Variants in CLIP2 observed in about 807,000 individuals in gnomAD.
CLIP2 encodes CAP-Gly domain containing linker protein 2.
Under a neutral mutation model 111.7 loss-of-function variants are expected in CLIP2, and 41 were observed. The ratio of observed to expected loss-of-function variants is 0.37; its 90% CI spans 0.29 to 0.48. CLIP2 has a LOEUF of 0.48. Among genes scored for constraint, CLIP2 ranks in the 20% least tolerant of loss-of-function variants. CLIP2 has a pLI of 0.99. For synonymous variants in CLIP2, 660 were observed against 644.2 expected (o/e 1.02, Z -0.37); for missense variants, 1,160 against 1,422.1 (o/e 0.82, Z 2.96).
chr7:74,290,930 G>A (rs1006679216), intron 1 of CLIP2, among the ~76,000 whole-genome samples: 5 of 152,152 alleles, frequency 3.3e-5, no homozygotes, highest in Admixed American at 3.3e-4. Context: ...GGGGCATAGA[G>A]GGGGTCCCCT....
intron 1 of CLIP2, among the ~76,000 whole-genome samples, chr7:74,299,215 C>T (rs1788254783): frequency 6.6e-6 from 1 of 152,064 alleles, no homozygotes; most frequent in African/African-American, 2.4e-5. Flanking sequence ...ATCCCAGCTA[C>T]TCAGGAGGCT....
chr7:74,375,776 G>T, intron 9 of CLIP2, 111 bp from the exon 10 acceptor site: 1 of 858,892 alleles, frequency 1.2e-6, no homozygotes. Context: ...CCACCTGCTG[G>T]GGCTGGTGCC....
rs1442148924 is a variant in CLIP2 at position 74,354,012 on chromosome 7, G to A, written c.803+8G>A. The stretch of plus-strand genomic sequence containing the variant: ...GGCGGTGGCGGGCACCAGGTATGGT[G>A]GGCTTCTTCTGGGGAGTATGGGAGG... On this transcript the variant is annotated splice_region_variant and intron_variant, in intron 4 of 16. Coordinates refer to ENST00000223398, the MANE Select transcript of CLIP2 (RefSeq NM_003388.5). 6.2e-7 allele frequency: 1 copy of A among 1,608,264 alleles called. No homozygotes were observed. The highest frequency in any genetic ancestry group is 8.5e-7 in the Non-Finnish European group (1 of 1,176,436).
rs200027898 is a variant in CLIP2 at position 74,364,867 on chromosome 7, T to TA, written c.1380+557dup. ...CAAGATCCCATCTCTACAAAAAATT[T>TA]AAAAAGTTAGCCAAGCATGGTCATG... On this transcript the variant is annotated intron_variant, in intron 8 of 16. Transcript: ENST00000223398. 2.0e-3 allele frequency: 900 copies of TA among 455,314 alleles called. 10 individuals carry two copies. In the East Asian group the frequency reaches 0.034, roughly 17 times the overall value. 28.2% of individuals were successfully genotyped at this position (455,314 alleles called of 1,614,324 possible).
At chr7:74,298,233 T>A (rs1554726328) in intron 1 of CLIP2, among the ~76,000 whole-genome samples, 1 of 152,090 alleles carries the variant, frequency 6.6e-6, no homozygotes, top group African/African-American at 2.4e-5. Flanking sequence ...TTGCCCAGGC[T>A]GGAGTGCAGT....
At chr7:74,314,957 A>G in intron 1 of CLIP2, among the ~76,000 whole-genome samples, 1 of 152,146 alleles carries the variant, frequency 6.6e-6, no homozygotes, top group Non-Finnish European at 1.5e-5. Flanking sequence ...TGGTGCTCCT[A>G]TAAGCTCTTC....
At chr7:74,324,485 G>C (rs1554730437) in intron 2 of CLIP2, among the ~76,000 whole-genome samples, 1 of 152,000 alleles carries the variant, frequency 6.6e-6, no homozygotes, top group African/African-American at 2.4e-5. Flanking sequence ...TCTGGGGATG[G>C]GGACAAGGAC....
At chr7:74,291,349 C>T (rs1554725348) in intron 1 of CLIP2, among the ~76,000 whole-genome samples, 2 of 152,254 alleles carry the variant, frequency 1.3e-5, no homozygotes, top group Non-Finnish European at 2.9e-5. Context: ...GCCCAAAGTC[C>T]CAGCAGGGGG....
intron 3 of CLIP2, among the ~76,000 whole-genome samples, chr7:74,347,630 C>A (rs1003715634): frequency 5.9e-5 from 9 of 152,182 alleles, no homozygotes; most frequent in African/African-American, 2.2e-4. Flanking sequence ...GGCGGCCACG[C>A]CTACTCCCTC....
chr7:74,398,796 C>T (rs1184786180), intron 14 of CLIP2, among the ~76,000 whole-genome samples: 3 of 152,178 alleles, frequency 2.0e-5, no homozygotes, highest in Non-Finnish European at 2.9e-5. Context: ...CCTCTGTGGT[C>T]CCTGTGGCTC....
intron 4 of CLIP2, 37 bp downstream of exon 4, chr7:74,354,041 C>T (rs1790084313): frequency 6.3e-7 from 1 of 1,583,584 alleles, no homozygotes; most frequent in Non-Finnish European, 8.6e-7. Flanking sequence ...TGGGAGGGGG[C>T]TCCTCTCCCC....
chr7:74,362,528 C>CTTTTTTTTTTTTTTTTTTTTTT (rs3044338), intron 7 of CLIP2, among the ~76,000 whole-genome samples: 17 of 121,978 alleles, frequency 1.4e-4, no homozygotes, highest in Non-Finnish European at 2.0e-4. Context: ...TTTTTCTTTT[C>CTTTTTTTTTTTTTTTTTTTTTT]TTTTTTTTTT....
intron 1 of CLIP2, among the ~76,000 whole-genome samples, chr7:74,309,007 A>G (rs1409686433): frequency 2.0e-5 from 3 of 151,962 alleles, no homozygotes; most frequent in Non-Finnish European, 4.4e-5. Context: ...AGCTCGGACT[A>G]CAGGCATGCA....
chr7:74,290,178 C>T (rs1398821199), intron 1 of CLIP2, among the ~76,000 whole-genome samples: 2 of 152,236 alleles, frequency 1.3e-5, no homozygotes, highest in African/African-American at 2.4e-5. Flanking sequence ...CGCGGCCATG[C>T]AGCCCCCATC....
intron 1 of CLIP2, among the ~76,000 whole-genome samples, chr7:74,310,036 CAAAAAAAAAAAAAAAAA>C (rs71094774): frequency 2.9e-4 from 27 of 92,490 alleles, no homozygotes; most frequent in African/African-American, 9.9e-4. Context: ...CCTGTCTCTA[CAAAAAAAAAAAAAAAAA>C]AAAAAAAAAA....
chr7:74,400,443 G>C lies in CLIP2; in HGVS notation c.2954G>C (p.Arg985Pro), dbSNP rs782545372. ...CGGTCCTCGGCGCCCGAGCTTCTGC[G>C]GCTGCAGCACCAGCTGATGAGCACG... is the stretch of plus-strand genomic sequence containing the variant. ...IDRSSAPELLRLQHQLMSTED... is the reference protein window; with the variant it reads ...IDRSSAPELLPLQHQLMSTED... The change falls in exon 15 of 17, where the codon CGG becomes CCG. Residue 985 changes from arginine to proline, a missense_variant. Coordinates refer to ENST00000223398, the MANE Select transcript of CLIP2 (RefSeq NM_003388.5). The C allele has an allele frequency of 6.2e-7, 1 of 1,613,974 alleles. No individual in the cohort carries two copies. Among genetic ancestry groups the C allele is most frequent in the African/African-American group, 1.3e-5 (1 of 74,958 alleles).
chr7:74,336,768 G>A (rs782015353), intron 2 of CLIP2, among the ~76,000 whole-genome samples: 11 of 151,976 alleles, frequency 7.2e-5, no homozygotes, highest in Non-Finnish European at 1.3e-4. Context: ...GTGAAATGGG[G>A]GCAATTGGGG....
At chr7:74,341,819 G>A (rs1011087658) in intron 3 of CLIP2, among the ~76,000 whole-genome samples, 3 of 152,040 alleles carry the variant, frequency 2.0e-5, no homozygotes, top group Non-Finnish European at 2.9e-5. Context: ...GGTGGTGAGC[G>A]TGGCCAGATG....
chr7:74,325,054 G>A (rs1304440300), intron 2 of CLIP2, among the ~76,000 whole-genome samples: 1 of 152,182 alleles, frequency 6.6e-6, no homozygotes, highest in Non-Finnish European at 1.5e-5. Context: ...GTGGGGAGGG[G>A]AGCACGCTGG....
Sources: gnomAD v4.1 joint callset for allele counts (sites outside exome capture counted in the v4.1 genomes callset) on GRCh38, gnomAD v4.1.1 for gene constraint, MANE v1.5 for transcripts, NCBI Gene and HGNC (gene_info 2026-07-23, HGNC 2026-07-21) for gene names.